The following SMIM13 variants were observed in gnomAD, a reference collection of about 807,000 sequenced individuals.
The protein encoded by SMIM13 is UPF0766 protein C6orf228.
SMIM13 carries 3 observed loss-of-function variants against 5.9 expected under a neutral mutation model. The observed-to-expected ratio is 0.51, with a 90% CI of 0.23 to 1.31. SMIM13 has a LOEUF of 1.31. Among genes scored for constraint, SMIM13 ranks in the 40% most tolerant of loss-of-function variants. The pLI, the probability that SMIM13 is intolerant of heterozygous loss-of-function variation, is 0.18. For synonymous variants in SMIM13, 55 were observed against 46.0 expected (o/e 1.19, Z -0.79); for missense variants, 85 against 109.9 (o/e 0.77, Z 1.01).
chr6:11,121,902 CCCTTACATACATA>C (rs143001975), intron 1 of SMIM13, among the ~76,000 whole-genome samples: 28,704 of 151,886 alleles, frequency 0.19, 3,066 homozygotes, highest in African/African-American at 0.29. Context: ...TTTGTTGCTC[CCCTTACATACATA>C]CCTACACCGT....
chr6:11,098,531 A>G (rs951629645), intron 1 of SMIM13, among the ~76,000 whole-genome samples: 3 of 152,188 alleles, frequency 2.0e-5, no homozygotes, highest in African/African-American at 7.2e-5. Flanking sequence ...TCCTGGGTCT[A>G]AGTGATTCTC....
At position 11,114,718 on chromosome 6, in the gene SMIM13, C is replaced by A. The variant is rs374662551; in HGVS notation, c.77-19685C>A. Among the ~76,000 whole-genome samples, 71 of 150,476 alleles carry A rather than the reference C, an allele frequency of 4.7e-4. No individual in the cohort carries two copies. The East Asian group carries it at 7.4e-3, about 16-fold the overall frequency. On this transcript the variant is annotated intron_variant, in intron 1 of 1. Transcript: ENST00000416247. ...GGCTTAAGTGATTCTCGTGCCTCAG[C>A]CTCCTAAGTAGCTGGGATTACAGGC...
chr6:11,094,379 G>T lies in SMIM13; in HGVS notation c.66G>T (p.Leu22=), dbSNP rs907745250. ...CCACGCTGCTGATCGTCCTGCTGCT[G>T]ATGGTGTGCGGTGAGTGGGGGCGGT... is the stretch of plus-strand genomic sequence containing the variant. ...FVATLLIVLL[L]MVCGWYFVWH... The change falls in exon 1 of 2, where the codon CTG becomes CTT. Residue 22 remains leucine (L), a synonymous_variant. Coordinates refer to ENST00000416247, the MANE Select transcript of SMIM13 (RefSeq NM_001135575.2). The T allele has an allele frequency of 2.6e-6, 4 of 1,536,646 alleles. No individual in the cohort carries two copies. The African/African-American group carries it at 5.5e-5, about 21-fold the overall frequency.
intron 1 of SMIM13, among the ~76,000 whole-genome samples, chr6:11,101,484 C>T (rs1343880914): frequency 6.6e-6 from 1 of 152,114 alleles, no homozygotes; most frequent in African/African-American, 2.4e-5. Flanking sequence ...TGAAGAGGTT[C>T]TATGGTAGGG....
chr6:11,109,449 T>G (rs1758137495), intron 1 of SMIM13, among the ~76,000 whole-genome samples: 1 of 151,980 alleles, frequency 6.6e-6, no homozygotes, highest in African/African-American at 2.4e-5. Context: ...TATAATTGGG[T>G]AGAAGGGGCA....
At chr6:11,111,628 A>AGGGTTGAACGCCTCCAGCC (rs1218740920) in intron 1 of SMIM13, 9 of 152,408 alleles carry the variant, frequency 5.9e-5, no homozygotes, top group African/African-American at 2.2e-4. Flanking sequence ...ACCACGTACG[A>AGGGTTGAACGCCTCCAGCC]GGGTTGAACG....
Position 11,103,668 on chromosome 6 carries a change from A to G in SMIM13, c.76+9279A>G, listed in dbSNP as rs556343998. On this transcript the variant is annotated intron_variant, in intron 1 of 1. Transcript: ENST00000416247. ...CAGGATTTCGCCTCTGTCGTGTTCCACTAGCGAGCAGTCTAGGGGTCCTCC... is the reference window on the plus strand; with the variant it reads ...CAGGATTTCGCCTCTGTCGTGTTCCGCTAGCGAGCAGTCTAGGGGTCCTCC... 4.6e-6 allele frequency: 7 copies of G among 1,519,516 alleles called. No homozygotes were observed. In the African/African-American group the frequency reaches 9.8e-5, roughly 21 times the overall value. 94.1% of individuals were successfully genotyped at this position (1,519,516 alleles called of 1,614,324 possible).
At chr6:11,099,763 G>GT (rs1757968338) in intron 1 of SMIM13, among the ~76,000 whole-genome samples, 1 of 152,192 alleles carries the variant, frequency 6.6e-6, no homozygotes, top group African/African-American at 2.4e-5. Flanking sequence ...GAGGGTAGAG[G>GT]TAGAGAAGCA....
At chr6:11,131,816 C>G (rs1758453541) in intron 1 of SMIM13, among the ~76,000 whole-genome samples, 1 of 152,066 alleles carries the variant, frequency 6.6e-6, no homozygotes, top group South Asian at 2.1e-4. Flanking sequence ...ACTATAAACT[C>G]TTAGAAGAAC....
chr6:11,104,618 G>A, intron 1 of SMIM13: 1 of 1,614,178 alleles, frequency 6.2e-7, no homozygotes, highest in Non-Finnish European at 8.5e-7. Context: ...TTCGAGTTTG[G>A]TCCAATAGAA....
At chr6:11,105,736 T>C (rs2113645178) in intron 1 of SMIM13, 1 of 178,094 alleles carries the variant, frequency 5.6e-6, no homozygotes, top group Non-Finnish European at 1.3e-5. Context: ...TGTGAGCCTA[T>C]GGGGTATAGA....
intron 1 of SMIM13, among the ~76,000 whole-genome samples, chr6:11,112,719 T>C (rs1758186291): frequency 6.6e-6 from 1 of 152,236 alleles, no homozygotes; most frequent in African/African-American, 2.4e-5. Context: ...TATTCCATTG[T>C]ATAGATATAC....
chr6:11,125,836 T>C (rs1300949242), intron 1 of SMIM13, among the ~76,000 whole-genome samples: 1 of 152,220 alleles, frequency 6.6e-6, no homozygotes, highest in African/African-American at 2.4e-5. Context: ...CTTGGTGTTC[T>C]ATAACTTTCT....
Position 11,138,700 on chromosome 6 carries a change from T to C in SMIM13, c.*4098T>C, listed in dbSNP as rs943050823. 6.6e-6 allele frequency: 1 copy of C among 152,178 alleles called. No homozygotes were observed. Among genetic ancestry groups the C allele is most frequent in the African/African-American group, 2.4e-5 (1 of 41,448 alleles). The allele number at this position is 152,178 out of a possible 1,614,324, so 9.4% of individuals were successfully genotyped here. ...TTTGTATGATGTTTTAACTTTCACT[T>C]TAAACTGCATAGAATAAATTAAATT... On this transcript the variant is annotated 3_prime_UTR_variant, in exon 2 of 2. Coordinates refer to ENST00000416247, the MANE Select transcript of SMIM13 (RefSeq NM_001135575.2).
chr6:11,129,152 A>G (rs558978889), intron 1 of SMIM13, among the ~76,000 whole-genome samples: 4 of 151,282 alleles, frequency 2.6e-5, no homozygotes, highest in African/African-American at 9.7e-5. Context: ...TTGTATTTTT[A>G]TACCCACTAA....
chr6:11,104,908 T>C, intron 1 of SMIM13: 1 of 1,614,230 alleles, frequency 6.2e-7, no homozygotes. Flanking sequence ...CCTACATTTG[T>C]TCCATTTTTC....
chr6:11,126,524 T>A (rs1340249861), intron 1 of SMIM13, among the ~76,000 whole-genome samples: 1 of 152,228 alleles, frequency 6.6e-6, no homozygotes, highest in African/African-American at 2.4e-5. Flanking sequence ...ATTTATCTGA[T>A]AGGTTTCAAA....
intron 1 of SMIM13, among the ~76,000 whole-genome samples, chr6:11,115,799 C>T (rs1457682469): frequency 6.6e-6 from 1 of 151,354 alleles, no homozygotes; most frequent in Non-Finnish European, 1.5e-5. Context: ...ATTCTCCTGC[C>T]TCAGCCTCCC....
chr6:11,114,310 G>A (rs1758208353), intron 1 of SMIM13, among the ~76,000 whole-genome samples: 1 of 152,090 alleles, frequency 6.6e-6, no homozygotes, highest in Admixed American at 6.6e-5. Context: ...TTGTCTTTTA[G>A]CTTTTGCCTC....
Sources: gnomAD v4.1 joint callset for allele counts (sites outside exome capture counted in the v4.1 genomes callset) on GRCh38, gnomAD v4.1.1 for gene constraint, MANE v1.5 for transcripts, NCBI Gene and HGNC (gene_info 2026-07-23, HGNC 2026-07-21) for gene names.